The following NELL1 variants were observed in gnomAD, a reference collection of about 807,000 sequenced individuals.
The protein encoded by NELL1 is neural EGFL like 1.
NELL1 carries 76 observed loss-of-function variants against 107.4 expected under a neutral mutation model. The ratio of observed to expected loss-of-function variants is 0.71; its 90% CI spans 0.59 to 0.86. The LOEUF is 0.86. Ranked by LOEUF, NELL1 falls within the 40% of genes least tolerant of loss-of-function variation. NELL1 has a pLI of 0.00. For missense variants in NELL1, 1,024 were observed against 1,005.5 expected (o/e 1.02, Z -0.25); for synonymous variants, 353 against 341.2 (o/e 1.03, Z -0.38).
At chr11:20,740,609 G>A (rs1030513843) in intron 2 of NELL1, among the ~76,000 whole-genome samples, 7 of 152,092 alleles carry the variant, frequency 4.6e-5, no homozygotes, top group African/African-American at 2.4e-5. Context: ...GCTGATGCTG[G>A]TGTCCCAAGT....
chr11:21,546,680 T>A (rs1856451543), intron 16 of NELL1, among the ~76,000 whole-genome samples: 1 of 152,012 alleles, frequency 6.6e-6, no homozygotes, highest in Non-Finnish European at 1.5e-5. Flanking sequence ...TCCCCAGCCA[T>A]GTGGAACTGT....
chr11:20,874,053 T>C (rs540721378), intron 4 of NELL1, among the ~76,000 whole-genome samples: 4 of 151,762 alleles, frequency 2.6e-5, no homozygotes, highest in Non-Finnish European at 5.9e-5. Context: ...GCATGAGCCA[T>C]TGAACCCGGT....
intron 14 of NELL1, among the ~76,000 whole-genome samples, chr11:21,332,890 T>C (rs1397726123): frequency 6.6e-6 from 1 of 152,074 alleles, no homozygotes; most frequent in East Asian, 1.9e-4. Context: ...TAATTAATAT[T>C]CAGTCTACTG....
intron 12 of NELL1, among the ~76,000 whole-genome samples, chr11:21,069,203 C>G (rs1206074924): frequency 6.6e-6 from 1 of 152,196 alleles, no homozygotes; most frequent in Non-Finnish European, 1.5e-5. Context: ...ATGGGATGAT[C>G]TGTGCAGCAA....
At chr11:20,699,510 G>C (rs934361727) in intron 2 of NELL1, among the ~76,000 whole-genome samples, 31 of 151,892 alleles carry the variant, frequency 2.0e-4, no homozygotes, top group African/African-American at 7.5e-4. Context: ...ACAGGTGCAC[G>C]CCACCATGCC....
intron 5 of NELL1, among the ~76,000 whole-genome samples, chr11:20,906,742 C>G (rs894851564): frequency 1.3e-5 from 2 of 151,930 alleles, no homozygotes; most frequent in Admixed American, 1.3e-4. Flanking sequence ...AAAAAAAGCC[C>G]TACAGGATCA....
intron 16 of NELL1, among the ~76,000 whole-genome samples, chr11:21,558,156 C>T (rs1856766354): frequency 6.6e-6 from 1 of 151,842 alleles, no homozygotes; most frequent in Non-Finnish European, 1.5e-5. Context: ...TTGATTGATA[C>T]CTCACCTCAT....
At position 21,359,398 on chromosome 11, in the gene NELL1, T is replaced by C. The variant is rs540632465; in HGVS notation, c.1550-11455T>C. Among the ~76,000 whole-genome samples the C allele has an allele frequency of 6.6e-5, 10 of 152,292 alleles. No homozygotes were observed. In the South Asian group the frequency reaches 1.4e-3, roughly 22 times the overall value. ...CTGTTAGCTAGTATTTTGTTGAAGA[T>C]GTATGCTAGTATTTTATTGAAGATG... On this transcript the variant is annotated intron_variant, in intron 14 of 19. Transcript: ENST00000357134.
chr11:21,573,471 G>A, intron 19 of NELL1, 62 bp downstream of exon 19: 1 of 1,387,586 alleles, frequency 7.2e-7, no homozygotes, highest in East Asian at 2.3e-5. Flanking sequence ...CTTGCAGGAG[G>A]TCCACTCCTG....
At chr11:20,675,430 A>C (rs1178277845) in intron 1 of NELL1, among the ~76,000 whole-genome samples, 2 of 152,158 alleles carry the variant, frequency 1.3e-5, no homozygotes, top group Non-Finnish European at 2.9e-5. Context: ...AGTTCATTGC[A>C]CCCAAAGTAT....
chr11:21,519,622 G>A (rs1855668012), intron 15 of NELL1, among the ~76,000 whole-genome samples: 1 of 151,782 alleles, frequency 6.6e-6, no homozygotes, highest in South Asian at 2.1e-4. Flanking sequence ...GTGAATGTGT[G>A]GGAGGTGGAA....
chr11:20,883,382 C>T (rs907777278), intron 4 of NELL1, among the ~76,000 whole-genome samples: 20 of 152,188 alleles, frequency 1.3e-4, no homozygotes, highest in African/African-American at 4.8e-4. Flanking sequence ...TTCATTAATT[C>T]ATGCATTTAA....
At chr11:21,031,498 T>C (rs962396091) in intron 12 of NELL1, among the ~76,000 whole-genome samples, 4 of 152,210 alleles carry the variant, frequency 2.6e-5, no homozygotes, top group Non-Finnish European at 5.9e-5. Context: ...CTTAGTTGTG[T>C]GATATTAAGG....
At chr11:21,161,523 T>A (rs1369641786) in intron 13 of NELL1, among the ~76,000 whole-genome samples, 1 of 152,138 alleles carries the variant, frequency 6.6e-6, no homozygotes, top group African/African-American at 2.4e-5. Context: ...GGTGACAGAA[T>A]GAGATTCTGT....
At chr11:21,544,639 T>C (rs549845716) in intron 16 of NELL1, among the ~76,000 whole-genome samples, 6 of 152,026 alleles carry the variant, frequency 3.9e-5, no homozygotes, top group Admixed American at 6.6e-5. Context: ...TCAAAACAAC[T>C]CCACCAGGTA....
At chr11:20,871,505 T>C (rs1849196470) in intron 4 of NELL1, among the ~76,000 whole-genome samples, 1 of 152,224 alleles carries the variant, frequency 6.6e-6, no homozygotes, top group Admixed American at 6.5e-5. Flanking sequence ...CTAATCTGTC[T>C]ATTCATCCAT....
rs1383460552 is a variant in NELL1 at position 21,327,453 on chromosome 11, T to C, written c.1550-43400T>C. ...GTGTTTCCTTCCCCTTCCACCATGA[T>C]TGTAAGTTTCCTGAGGCCTCCCCAG... On this transcript the variant is annotated intron_variant, in intron 14 of 19. Coordinates refer to ENST00000357134, the MANE Select transcript of NELL1 (RefSeq NM_006157.5). 2.0e-5 allele frequency among the ~76,000 whole-genome samples: 3 copies of C among 152,134 alleles called. No homozygotes were observed. The East Asian group carries it at 5.8e-4, about 29-fold the overall frequency.
intron 2 of NELL1, among the ~76,000 whole-genome samples, chr11:20,712,380 C>G (rs1038761795): frequency 1.3e-5 from 2 of 151,976 alleles, no homozygotes; most frequent in African/African-American, 4.8e-5. Context: ...ATTTCTTTAA[C>G]TTGGTTTTCA....
At chr11:21,421,585 C>T (rs1462986208) in intron 15 of NELL1, among the ~76,000 whole-genome samples, 1 of 152,044 alleles carries the variant, frequency 6.6e-6, no homozygotes, top group African/African-American at 2.4e-5. Flanking sequence ...TCTCCACCAC[C>T]CCCTCACGTC....
Sources: gnomAD v4.1 joint callset for allele counts (sites outside exome capture counted in the v4.1 genomes callset) on GRCh38, gnomAD v4.1.1 for gene constraint, MANE v1.5 for transcripts, NCBI Gene and HGNC (gene_info 2026-07-23, HGNC 2026-07-21) for gene names.